Variants in CUX2 observed in about 807,000 individuals in gnomAD.
The protein encoded by CUX2 is homeobox protein cut-like 2.
Under a neutral mutation model 144.8 loss-of-function variants are expected in CUX2, and 40 were observed. The observed-to-expected ratio is 0.28, with a 90% confidence interval of 0.21 to 0.36. CUX2 has a LOEUF of 0.36. Ranked by LOEUF, CUX2 falls within the 10% of genes least tolerant of loss-of-function variation. The pLI is 1.00. For missense variants in CUX2, 1,615 were observed against 1,994.0 expected, an observed-to-expected ratio of 0.81 and a Z score of 3.62; for synonymous variants, 827 against 875.6, an observed-to-expected ratio of 0.94 and a Z score of 0.98.
chr12:111,313,882 C>G (rs1339767260), intron 16 of CUX2, among the ~76,000 whole-genome samples: 2 of 152,158 alleles, frequency 1.3e-5, no homozygotes, highest in African/African-American at 2.4e-5. Context: ...CCCAGCACAG[C>G]GTAGACTGAC....
intron 14 of CUX2, among the ~76,000 whole-genome samples, chr12:111,308,823 A>G (rs966181221): frequency 1.3e-5 from 2 of 152,130 alleles, no homozygotes; most frequent in African/African-American, 4.8e-5. Context: ...ACAGGGGGAC[A>G]AGCAGGGCAT....
At position 111,334,662 on chromosome 12, in the gene CUX2, T is replaced by A. The variant is rs1328738439; in HGVS notation, c.3148T>A (p.Tyr1050Asn). 2 of 1,613,724 alleles carry A rather than the reference T, an allele frequency of 1.2e-6. No homozygotes were observed. Among genetic ancestry groups the A allele is most frequent in the African/African-American group, 2.7e-5 (2 of 74,948 alleles). ...IVAMSPELDT[Y>N]SITKRVKEVL... ...GGCCATGTCCCCCGAGCTGGACACG[T>A]ACTCCATCACCAAGAGGGTGAAGGA... is the stretch of plus-strand genomic sequence containing the variant. The change falls in exon 19 of 22, where the codon TAC (tyrosine) becomes AAC (asparagine). Residue 1050 changes from tyrosine (Y) to asparagine (N), a missense_variant. By Grantham distance (143) the Tyr-to-Asn change is moderately radical. Coordinates refer to ENST00000261726, the MANE Select transcript of CUX2 (RefSeq NM_015267.4).
At chr12:111,083,975 C>G (rs768060820) in intron 1 of CUX2, among the ~76,000 whole-genome samples, 1 of 152,048 alleles carries the variant, frequency 6.6e-6, no homozygotes, top group Non-Finnish European at 1.5e-5. Flanking sequence ...TCCTCGAGTA[C>G]CAGGGTGGGA....
At chr12:111,300,282 G>A (rs1367153295) in intron 9 of CUX2, among the ~76,000 whole-genome samples, 3 of 151,970 alleles carry the variant, frequency 2.0e-5, no homozygotes, top group Non-Finnish European at 4.4e-5. Flanking sequence ...CACCACATCC[G>A]GCTAATTTTC....
rs1555278975 is a variant in CUX2, at chr12:111,184,597, A to AAAAC, written c.64-29601_64-29600insACAA. Among the ~76,000 whole-genome samples the AAAAC allele has an allele frequency of 6.0e-5, 9 of 150,056 alleles. No homozygotes were observed. The East Asian group carries it at 1.8e-3, about 30-fold the overall frequency. On this transcript the variant is annotated intron_variant, in intron 1 of 21. Coordinates refer to ENST00000261726, the MANE Select transcript of CUX2 (RefSeq NM_015267.4). ...CCAAAAAAAAAAAAAAAAAAAAAAAAAACAGAAAAATTAGCTGGGTAAGGT... is the reference window on the plus strand; with the variant it reads ...CCAAAAAAAAAAAAAAAAAAAAAAAAAAACAACAGAAAAATTAGCTGGGTAAGGT...
At chr12:111,136,957 A>C (rs186937045) in intron 1 of CUX2, among the ~76,000 whole-genome samples, 1 of 143,684 alleles carries the variant, frequency 7.0e-6, no homozygotes, top group Non-Finnish European at 1.5e-5. Context: ...TTTTTTTTTG[A>C]GACAGGGTCT....
intron 1 of CUX2, among the ~76,000 whole-genome samples, chr12:111,164,575 C>T (rs939129800): frequency 6.7e-6 from 1 of 149,080 alleles, no homozygotes; most frequent in Non-Finnish European, 1.5e-5. Context: ...GACTCCATCT[C>T]AAAAAAATAA....
intron 1 of CUX2, among the ~76,000 whole-genome samples, chr12:111,129,184 AT>A (rs1875282036): frequency 6.6e-6 from 1 of 152,248 alleles, no homozygotes; most frequent in African/African-American, 2.4e-5. Flanking sequence ...ACCTTCTGGC[AT>A]GCAAATGTCT....
intron 12 of CUX2, among the ~76,000 whole-genome samples, chr12:111,308,013 T>C (rs1372178060): frequency 6.6e-6 from 1 of 152,306 alleles, no homozygotes; most frequent in East Asian, 1.9e-4. Flanking sequence ...GAACTTATTA[T>C]AGGCATGGTA....
chr12:111,322,732 C>A lies in CUX2; in HGVS notation c.2926+152C>A. The A allele has an allele frequency of 4.8e-6, 5 of 1,037,272 alleles. No individual in the cohort carries two copies. The highest frequency in any genetic ancestry group is 2.6e-5 in the Admixed American group (1 of 38,308). The allele number at this position is 1,037,272 out of a possible 1,614,324, so 64.3% of individuals were successfully genotyped here. ...AGTCACTGTCATGGCTGCACTGGAA[C>A]ATGGCGGGGGGTCCTGGGGTTTCTC... On this transcript the variant is annotated intron_variant, in intron 18 of 21. Transcript: ENST00000261726. This position sits in a 1 kb window ranked among gnomAD's most constrained non-coding sequence, Gnocchi z 4.2.
At chr12:111,207,184 A>G (rs1880967311) in intron 1 of CUX2, among the ~76,000 whole-genome samples, 2 of 152,146 alleles carry the variant, frequency 1.3e-5, no homozygotes, top group Admixed American at 6.5e-5. Flanking sequence ...AGGTAGATTG[A>G]AGCTCTACCT....
intron 1 of CUX2, among the ~76,000 whole-genome samples, chr12:111,105,864 C>CT (rs1198818010): frequency 0.018 from 2,391 of 132,340 alleles, 35 homozygotes; most frequent in African/African-American, 0.031. Context: ...AATAATGAGT[C>CT]TTTTTTTTTT....
intron 1 of CUX2, among the ~76,000 whole-genome samples, chr12:111,095,275 A>C (rs1872754044): frequency 6.6e-6 from 1 of 152,130 alleles, no homozygotes; most frequent in South Asian, 2.1e-4. Context: ...CCTGGGCAAC[A>C]TGGTAAAACC....
intron 3 of CUX2, among the ~76,000 whole-genome samples, chr12:111,247,277 C>T (rs1328146915): frequency 1.3e-5 from 2 of 152,152 alleles, no homozygotes; most frequent in Non-Finnish European, 2.9e-5. Context: ...CATGCATGCC[C>T]GGCTGAGGCT....
chr12:111,348,060 C>T lies in CUX2; in HGVS notation c.4196C>T (p.Ser1399Leu), dbSNP rs1888898623. The T allele has an allele frequency of 1.9e-6, 3 of 1,614,100 alleles. No homozygotes were observed. Among genetic ancestry groups the T allele is most frequent in the Admixed American group, 1.7e-5 (1 of 60,012 alleles). Residue 1399 changes from serine (S) to leucine (L), a missense_variant, in exon 22 of 22, where the codon TCG becomes TTG. Ser to Leu is a moderately radical substitution (Grantham distance 145). Coordinates refer to ENST00000261726, the MANE Select transcript of CUX2 (RefSeq NM_015267.4). ...CSLEVSLNSPSAASSPGLMMS... is the reference protein window; with the variant it reads ...CSLEVSLNSPLAASSPGLMMS... ...CTGGAGGTGTCACTGAACTCGCCCT[C>T]GGCCGCCTCCTCACCAGGCCTCATG...
At chr12:111,048,201 C>G (rs577474660) in intron 1 of CUX2, among the ~76,000 whole-genome samples, 1 of 152,260 alleles carries the variant, frequency 6.6e-6, no homozygotes, top group South Asian at 2.1e-4. Context: ...GAAACGAGAT[C>G]CAATTTATGT....
chr12:111,341,843 G>T lies in CUX2; in HGVS notation c.3449G>T (p.Arg1150Leu). 2 of 1,613,326 alleles carry T rather than the reference G, an allele frequency of 1.2e-6. No individual in the cohort carries two copies. Among genetic ancestry groups the T allele is most frequent in the East Asian group, 2.2e-5 (1 of 44,860 alleles). The change falls in exon 21 of 22, where the codon CGC becomes CTC. Residue 1150 changes from arginine (R) to leucine (L), a missense_variant. Physicochemically the swap from Arg to Leu is moderately radical, Grantham distance 102 (BLOSUM62 -2). Coordinates refer to ENST00000261726, the MANE Select transcript of CUX2 (RefSeq NM_015267.4). ...TGSDSESPAT[R>L]SECPSPCLQP... ...TCAGACAGTGAGTCCCCGGCCACCC[G>T]CTCAGAGTGCCCCAGCCCCTGCCTG...
chr12:111,345,282 T>C (rs2136454571), intron 21 of CUX2, among the ~76,000 whole-genome samples: 1 of 149,128 alleles, frequency 6.7e-6, no homozygotes, highest in East Asian at 2.0e-4. Flanking sequence ...ACCCTGTCTC[T>C]ACTAAAAATA....
intron 1 of CUX2, among the ~76,000 whole-genome samples, chr12:111,123,795 C>G (rs1287383342): frequency 1.3e-5 from 2 of 152,176 alleles, no homozygotes; most frequent in African/African-American, 4.8e-5. Context: ...CTCGGCCTCC[C>G]AAAGTGCTGG....
Sources: allele counts gnomAD v4.1 joint callset (sites outside exome capture counted in the v4.1 genomes callset), GRCh38; gene constraint gnomAD v4.1.1; non-coding constraint Gnocchi (gnomAD v3.1); transcripts MANE v1.5; gene names NCBI Gene and HGNC (gene_info 2026-07-23, HGNC 2026-07-21).